Variants in ABI3BP observed in about 807,000 individuals in gnomAD.
ABI3BP encodes the protein target of Nesh-SH3.
ABI3BP carries 216 observed loss-of-function variants against 268.6 expected under a neutral mutation model. The ratio of observed to expected loss-of-function variants is 0.80; its 90% CI spans 0.72 to 0.90. The LOEUF (loss-of-function observed/expected upper bound fraction) is 0.90. Ranked by LOEUF, ABI3BP falls within the 40% of genes least tolerant of loss-of-function variation. The pLI, the probability that ABI3BP is intolerant of heterozygous loss-of-function variation, is 0.00. For missense variants in ABI3BP, 2,090 were observed against 2,182.4 expected (o/e 0.96, Z 0.84); for synonymous variants, 730 against 730.0 (o/e 1.00, Z 0.00).
intron 6 of ABI3BP, among the ~76,000 whole-genome samples, chr3:100,883,850 A>C (rs933135871): frequency 6.6e-6 from 1 of 152,118 alleles, no homozygotes; most frequent in Admixed American, 6.6e-5. Context: ...ACCTATCATA[A>C]GTGTTCACTA....
At chr3:100,909,082 A>T (rs1053188267) in intron 2 of ABI3BP, among the ~76,000 whole-genome samples, 1 of 152,174 alleles carries the variant, frequency 6.6e-6, no homozygotes, top group Admixed American at 6.5e-5. Context: ...GAAACAGAAC[A>T]GAGGCCTCAG....
chr3:100,756,622 G>A (rs1427023960), intron 63 of ABI3BP, among the ~76,000 whole-genome samples: 1 of 152,124 alleles, frequency 6.6e-6, no homozygotes, highest in Non-Finnish European at 1.5e-5. Flanking sequence ...GATTCAAATG[G>A]GCAGTGCATT....
intron 1 of ABI3BP, among the ~76,000 whole-genome samples, chr3:100,978,276 C>A (rs375887525): frequency 3.3e-5 from 5 of 152,196 alleles, no homozygotes; most frequent in African/African-American, 4.8e-5. Context: ...CTGTGTAAGA[C>A]AAAATGACAG....
At chr3:100,867,596 A>C (rs1291396150) in intron 9 of ABI3BP, among the ~76,000 whole-genome samples, 3 of 135,402 alleles carry the variant, frequency 2.2e-5, no homozygotes, top group African/African-American at 5.5e-5. Flanking sequence ...AGCCGAGATC[A>C]CGCCATTGCA....
chr3:100,842,988 A>T (rs2098723540), intron 20 of ABI3BP, among the ~76,000 whole-genome samples: 1 of 152,230 alleles, frequency 6.6e-6, no homozygotes, highest in East Asian at 1.9e-4. Context: ...TATTAGACTT[A>T]TCAGGAATGA....
At chr3:100,903,574 G>T (rs2051583943) in intron 2 of ABI3BP, among the ~76,000 whole-genome samples, 1 of 152,194 alleles carries the variant, frequency 6.6e-6, no homozygotes. Flanking sequence ...AATATCATTT[G>T]GATGCTGTAG....
At chr3:100,952,088 G>T (rs1193524992) in intron 1 of ABI3BP, among the ~76,000 whole-genome samples, 1 of 152,046 alleles carries the variant, frequency 6.6e-6, no homozygotes. Context: ...CTAATATTCT[G>T]ATCTCTAAGG....
chr3:100,780,109 A>G (rs774478708), intron 58 of ABI3BP, 23 bp downstream of exon 58: 7 of 1,610,132 alleles, frequency 4.3e-6, no homozygotes, highest in Non-Finnish European at 5.1e-6. Context: ...AGCTGTCATA[A>G]AAGTCAGCAT....
At chr3:100,960,962 G>T (rs920123152) in intron 1 of ABI3BP, among the ~76,000 whole-genome samples, 2 of 152,164 alleles carry the variant, frequency 1.3e-5, no homozygotes, top group Non-Finnish European at 2.9e-5. Context: ...AGAGAAACTA[G>T]CAAAGCCCAC....
At chr3:100,797,023 T>A (rs561340350) in intron 51 of ABI3BP, among the ~76,000 whole-genome samples, 1 of 152,088 alleles carries the variant, frequency 6.6e-6, no homozygotes, top group African/African-American at 2.4e-5. Context: ...CATTAGAAGA[T>A]ACCACATGTA....
At chr3:100,813,316 T>G (rs2097911283) in intron 45 of ABI3BP, among the ~76,000 whole-genome samples, 1 of 152,186 alleles carries the variant, frequency 6.6e-6, no homozygotes, top group African/African-American at 2.4e-5. Context: ...TAGCACAAAT[T>G]TAATTTACTA....
intron 6 of ABI3BP, among the ~76,000 whole-genome samples, chr3:100,883,845 T>A (rs1416447290): frequency 1.3e-5 from 2 of 152,100 alleles, no homozygotes; most frequent in African/African-American, 2.4e-5. Flanking sequence ...CATAAACCTA[T>A]CATAAGTGTT....
rs779893340 is a variant in ABI3BP at position 100,821,047 on chromosome 3, C to T, written c.2947+7G>A. 4.0e-5 allele frequency: 61 copies of T among 1,534,672 alleles called. No homozygotes were observed. In the Middle Eastern group the frequency reaches 1.5e-3, roughly 38 times the overall value. ...AACACTTAATGAGGATTGCAACGTG[C>T]TATTACCTTGTGTTGTCACCCAAGT... On this transcript the variant is annotated splice_region_variant and intron_variant, in intron 39 of 67. Transcript: ENST00000471714.
chr3:100,940,783 TCA>T (rs1207610902), intron 1 of ABI3BP, among the ~76,000 whole-genome samples: 2 of 87,474 alleles, frequency 2.3e-5, no homozygotes, highest in Non-Finnish European at 4.5e-5. Flanking sequence ...GGAAATTACT[TCA>T]CTATATATAT....
chr3:100,950,647 T>C (rs1305166897), intron 1 of ABI3BP, among the ~76,000 whole-genome samples: 2 of 152,044 alleles, frequency 1.3e-5, no homozygotes, highest in Non-Finnish European at 2.9e-5. Context: ...ATATAAGGTG[T>C]AGACTATCAA....
At chr3:100,950,491 T>C (rs918305667) in intron 1 of ABI3BP, among the ~76,000 whole-genome samples, 2 of 149,964 alleles carry the variant, frequency 1.3e-5, no homozygotes, top group Admixed American at 1.3e-4. Flanking sequence ...AGGAATGGTA[T>C]CACAGAAGAA....
At chr3:100,860,773 T>C (rs994104793) in intron 14 of ABI3BP, among the ~76,000 whole-genome samples, 2 of 152,146 alleles carry the variant, frequency 1.3e-5, no homozygotes, top group African/African-American at 2.4e-5. Context: ...AACCCCATGT[T>C]CCCCATGTTA....
At chr3:100,862,626 G>A in intron 13 of ABI3BP, 3 of 585,132 alleles carry the variant, frequency 5.1e-6, no homozygotes, top group Non-Finnish European at 8.9e-6. Context: ...AGGACAAAAA[G>A]CTAAGTGGAT....
intron 26 of ABI3BP, among the ~76,000 whole-genome samples, chr3:100,837,952 A>C (rs549453542): frequency 5.8e-4 from 89 of 152,324 alleles, no homozygotes; most frequent in African/African-American, 1.9e-3. Flanking sequence ...TCTGTTCATT[A>C]CAAATTCAGA....
Sources: gnomAD v4.1 joint callset for allele counts (sites outside exome capture counted in the v4.1 genomes callset) on GRCh38, gnomAD v4.1.1 for gene constraint, MANE v1.5 for transcripts, NCBI Gene and HGNC (gene_info 2026-07-23, HGNC 2026-07-21) for gene names.